ALS2: variants seen among roughly 807,000 people sequenced by gnomAD.
ALS2 encodes alsin.
Under a neutral mutation model 203.4 loss-of-function variants are expected in ALS2, and 117 were observed. The observed-to-expected ratio is 0.58, with a 90% confidence interval of 0.50 to 0.67. The LOEUF (loss-of-function observed/expected upper bound fraction) is 0.67. Ranked by LOEUF, ALS2 falls within the 30% of genes least tolerant of loss-of-function variation. The pLI is 0.00. For missense variants in ALS2, 1,715 were observed against 1,989.4 expected, an observed-to-expected ratio of 0.86 and a Z score of 2.62; for synonymous variants, 718 against 725.9, an observed-to-expected ratio of 0.99 and a Z score of 0.17.
At chr2:201,749,840 ACAT>A in intron 7 of ALS2, 51 bp from the exon 8 acceptor site, 1 of 1,412,072 alleles carries the variant, frequency 7.1e-7, no homozygotes, top group Non-Finnish European at 1.0e-6. Context: ...CTGATTTTGC[ACAT>A]CAACTCTGAA....
intron 19 of ALS2, 58 bp downstream of exon 19, chr2:201,726,426 A>G (rs1445991624): frequency 2.1e-6 from 3 of 1,441,772 alleles, no homozygotes; most frequent in African/African-American, 2.8e-5. Context: ...ACAAAATAAC[A>G]TAATTTACGA....
At chr2:201,722,884 T>C (rs1232927889) in intron 23 of ALS2, 159 bp downstream of exon 23, 1 of 617,268 alleles carries the variant, frequency 1.6e-6, no homozygotes, top group Non-Finnish European at 2.9e-6. Context: ...TGAAACTGGA[T>C]TGTGGTGGTG....
intron 10 of ALS2, among the ~76,000 whole-genome samples, chr2:201,743,096 A>G (rs1290219744): frequency 1.3e-5 from 2 of 151,606 alleles, no homozygotes; most frequent in Non-Finnish European, 2.9e-5. Context: ...AGAAAGAAAC[A>G]ATGGGCTGAC....
chr2:201,767,588 C>T lies in ALS2; in HGVS notation c.21-205G>A, dbSNP rs144908912. Among the ~76,000 whole-genome samples, 6,071 of 151,902 alleles carry T rather than the reference C, an allele frequency of 0.04. 367 individuals carry two copies. The highest frequency in any genetic ancestry group is 0.13 in the African/African-American group (5,521 of 41,374). ...ATATAAAAGACTGAAGGATGTGGGG[C>T]GTGGTGGCTCACACCTGTAATCCCA... On this transcript the variant is annotated intron_variant, in intron 2 of 33. Transcript: ENST00000264276.
In ALS2 at chr2:201,759,942, G is replaced by A. The variant is rs866375947; in HGVS notation, c.1113+939C>T. 73 of 983,772 alleles carry A rather than the reference G, an allele frequency of 7.4e-5. No individual in the cohort carries two copies. The Middle Eastern group carries it at 2.1e-3, about 28-fold the overall frequency. 60.9% of individuals were successfully genotyped at this position (983,772 alleles called of 1,614,324 possible). On this transcript the variant is annotated intron_variant, in intron 4 of 33. Coordinates refer to ENST00000264276, the MANE Select transcript of ALS2 (RefSeq NM_020919.4). ...CCTTTTAAAACAATTTAGTTTAAGCGGGAACTCAAACTTTACCATGTGCTA... is the reference window on the plus strand; with the variant it reads ...CCTTTTAAAACAATTTAGTTTAAGCAGGAACTCAAACTTTACCATGTGCTA...
chr2:201,757,562 G>C lies in ALS2; in HGVS notation c.1311C>G (p.Gly437=), dbSNP rs1411787836. 1.2e-6 allele frequency: 2 copies of C among 1,614,064 alleles called. No homozygotes were observed. The highest frequency in any genetic ancestry group is 2.2e-5 in the South Asian group (2 of 91,076). Residue 437 remains glycine (G), a synonymous_variant, in exon 5 of 34, where the codon GGC becomes GGG. Coordinates refer to ENST00000264276, the MANE Select transcript of ALS2 (RefSeq NM_020919.4). ...TTPCETGAQA[G]SSAIGPEGLK... is the part of the protein sequence containing the mutation. ...AACCTTCGGGGCCAATGGCACTACT[G>C]CCTGCCTGAGCTCCAGTTTCACAAG...
intron 28 of ALS2, 34 bp downstream of exon 28, chr2:201,707,835 C>T: frequency 6.2e-7 from 1 of 1,609,468 alleles, no homozygotes; most frequent in South Asian, 1.1e-5. Context: ...GTCACCATTC[C>T]CTTTCTTCAC....
intron 3 of ALS2, among the ~76,000 whole-genome samples, chr2:201,766,115 C>G (rs1349796550): frequency 6.6e-6 from 1 of 152,160 alleles, no homozygotes; most frequent in African/African-American, 2.4e-5. Flanking sequence ...AACTGCTTAA[C>G]AAACATTAGC....
chr2:201,776,945 T>C (rs1348991126), intron 1 of ALS2, among the ~76,000 whole-genome samples: 1 of 152,198 alleles, frequency 6.6e-6, no homozygotes, highest in Non-Finnish European at 1.5e-5. Flanking sequence ...ATTTAACACA[T>C]TGTCATCAGG....
chr2:201,722,854 C>T (rs1057246173), intron 23 of ALS2, 189 bp downstream of exon 23: 2 of 589,430 alleles, frequency 3.4e-6, no homozygotes, highest in African/African-American at 3.7e-5. Flanking sequence ...AAGGGATTTT[C>T]TTGGGCGATG....
rs890395518 is a variant in ALS2, at chr2:201,756,334, A to G, written c.1471+1068T>C. On this transcript the variant is annotated intron_variant, in intron 5 of 33. Coordinates refer to ENST00000264276, the MANE Select transcript of ALS2 (RefSeq NM_020919.4). The stretch of plus-strand genomic sequence containing the variant: ...TATATATACATATATATTCACATTA[A>G]TCATGACTTAAGTTTTATTTGTGTA... 4.0e-5 allele frequency among the ~76,000 whole-genome samples: 6 copies of G among 151,768 alleles called. No homozygotes were observed. The East Asian group carries it at 5.8e-4, about 15-fold the overall frequency.
chr2:201,768,196 A>G lies in ALS2; in HGVS notation c.20+670T>C, dbSNP rs565692782. On this transcript the variant is annotated intron_variant, in intron 2 of 33. Coordinates refer to ENST00000264276, the MANE Select transcript of ALS2 (RefSeq NM_020919.4). The stretch of plus-strand genomic sequence containing the variant: ...TTTTTAGGAATCAAGTTTATAATAG[A>G]TATCAGTAAAATCCTTAATGCTTTG... Among the ~76,000 whole-genome samples the G allele has an allele frequency of 4.6e-5, 7 of 152,332 alleles. No individual in the cohort carries two copies. The South Asian group carries it at 6.2e-4, about 14-fold the overall frequency.
intron 10 of ALS2, among the ~76,000 whole-genome samples, chr2:201,742,696 A>T (rs1459250147): frequency 6.6e-6 from 1 of 152,222 alleles, no homozygotes; most frequent in Non-Finnish European, 1.5e-5. Flanking sequence ...AAAAACACAA[A>T]TGCAGACAGT....
intron 27 of ALS2, among the ~76,000 whole-genome samples, chr2:201,709,647 C>A (rs1359772220): frequency 1.3e-5 from 2 of 151,958 alleles, no homozygotes; most frequent in Non-Finnish European, 2.9e-5. Flanking sequence ...TTAAAAACCC[C>A]AAACATTTAT....
intron 23 of ALS2, chr2:201,719,867 G>A (rs1399473614): frequency 5.2e-6 from 1 of 191,540 alleles, no homozygotes; most frequent in African/African-American, 2.4e-5. Flanking sequence ...ATAACATAGA[G>A]AAATAGAAAA....
At chr2:201,709,085 G>A (rs1689885777) in intron 27 of ALS2, among the ~76,000 whole-genome samples, 2 of 152,262 alleles carry the variant, frequency 1.3e-5, no homozygotes, top group Admixed American at 1.3e-4. Context: ...GTATTTACTT[G>A]TTGGCTTCAA....
At chr2:201,767,625 G>C (rs1694156645) in intron 2 of ALS2, among the ~76,000 whole-genome samples, 1 of 151,926 alleles carries the variant, frequency 6.6e-6, no homozygotes, top group Non-Finnish European at 1.5e-5. Flanking sequence ...CCCTTTGGGA[G>C]GCCGAGGCAG....
At position 201,715,791 on chromosome 2, in the gene ALS2, C is replaced by T. The variant is rs34946105; in HGVS notation, c.3885G>A (p.Ala1295=). ...LAVPADEKWK[A]VFDECWRQLG... ...GTTGGCGCCAACATTCGTCAAACAC[C>T]GCTTTCCACTTCTCATCAGCTGGCA... The change falls in exon 25 of 34, where the codon GCG becomes GCA. Residue 1295 remains alanine, a synonymous_variant. Transcript: ENST00000264276. 0.032 allele frequency: 51,007 copies of T among 1,614,196 alleles called. 972 individuals carry two copies. The highest frequency in any genetic ancestry group is 0.047 in the Middle Eastern group (287 of 6,062).
Position 201,750,236 on chromosome 2 carries a change from C to G in ALS2, c.1738-447G>C, listed in dbSNP as rs1016406066. 1.1e-4 allele frequency among the ~76,000 whole-genome samples: 16 copies of G among 151,294 alleles called. No homozygotes were observed. In the East Asian group the frequency reaches 3.1e-3, roughly 29 times the overall value. On this transcript the variant is annotated intron_variant, in intron 7 of 33. Coordinates refer to ENST00000264276, the MANE Select transcript of ALS2 (RefSeq NM_020919.4). ...GAGTCAACAATAACAATAACAATAACTAACACTTTTCAGGTGCTTACTAAC... is the reference window on the plus strand; with the variant it reads ...GAGTCAACAATAACAATAACAATAAGTAACACTTTTCAGGTGCTTACTAAC...
Sources: gnomAD v4.1 joint callset for allele counts (sites outside exome capture counted in the v4.1 genomes callset) on GRCh38, gnomAD v4.1.1 for gene constraint, MANE v1.5 for transcripts, NCBI Gene and HGNC (gene_info 2026-07-23, HGNC 2026-07-21) for gene names.